Variants in CHL1 observed in about 807,000 individuals in gnomAD.
CHL1 encodes the protein neural cell adhesion molecule L1-like protein.
CHL1 carries 96 observed loss-of-function variants against 141.9 expected under a neutral mutation model. That is an observed-to-expected ratio of 0.68 (90% CI 0.57 to 0.80). The LOEUF is 0.80. Ranked by LOEUF, CHL1 falls within the 30% of genes least tolerant of loss-of-function variation. The probability of loss-of-function intolerance (pLI) is 0.00; values close to 1 mark genes in which losing one functional copy is unlikely to be tolerated. For synonymous variants in CHL1, 613 were observed against 502.2 expected, an observed-to-expected ratio of 1.22 and a Z score of -2.95; for missense variants, 1,820 against 1,457.2, an observed-to-expected ratio of 1.25 and a Z score of -4.05.
At chr3:344,824 A>G in intron 9 of CHL1, 115 bp downstream of exon 9, 1 of 1,123,758 alleles carries the variant, frequency 8.9e-7, no homozygotes, top group Non-Finnish European at 1.2e-6. Context: ...TCCTTAAAAA[A>G]ATTAAATTCT....
intron 27 of CHL1, 51 bp from the exon 28 acceptor site, chr3:405,444 G>T (rs576949429): frequency 1.3e-5 from 16 of 1,202,842 alleles, no homozygotes; most frequent in Non-Finnish European, 2.0e-5. Flanking sequence ...TGCTTTACAT[G>T]AATATTAATA....
Position 391,089 on chromosome 3 carries a change from A to C in CHL1, c.2721A>C (p.Thr907=). ...ATGCCTTTAGTGAATTTCATTTAAC[A>C]GTCTTAGCCTATAACTCTAAAGGAG... The part of the protein sequence containing the change: ...SLDAFSEFHL[T]VLAYNSKGAG... The change falls in exon 22 of 28, where the codon ACA becomes ACC. Residue 907 remains threonine (T), a synonymous_variant. Transcript: ENST00000256509. 1 of 1,614,026 alleles carries C rather than the reference A, an allele frequency of 6.2e-7. No individual in the cohort carries two copies. Among genetic ancestry groups the C allele is most frequent in the Non-Finnish European group, 8.5e-7 (1 of 1,179,856 alleles).
At chr3:317,816 A>G (rs1291213168) in intron 2 of CHL1, among the ~76,000 whole-genome samples, 1 of 151,944 alleles carries the variant, frequency 6.6e-6, no homozygotes, top group Non-Finnish European at 1.5e-5. Context: ...TGCTTTTTAT[A>G]ATGAAAGCAT....
chr3:207,268 G>T (rs1273202361), intron 1 of CHL1, among the ~76,000 whole-genome samples: 1 of 152,196 alleles, frequency 6.6e-6, no homozygotes, highest in African/African-American at 2.4e-5. Context: ...AAAGTGGCAA[G>T]AATAAGTTTG....
intron 2 of CHL1, among the ~76,000 whole-genome samples, chr3:291,109 T>C (rs1697653389): frequency 1.3e-5 from 2 of 152,092 alleles, no homozygotes; most frequent in Admixed American, 6.5e-5. Flanking sequence ...TAAACCAGGG[T>C]TGCCTGTTTA....
At chr3:242,567 G>A (rs1293899185) in intron 1 of CHL1, among the ~76,000 whole-genome samples, 1 of 151,922 alleles carries the variant, frequency 6.6e-6, no homozygotes, top group Admixed American at 6.6e-5. Flanking sequence ...CTGCACTCCA[G>A]CCTGGGTAAC....
chr3:199,863 G>C (rs1408210032), intron 1 of CHL1, among the ~76,000 whole-genome samples: 1 of 152,184 alleles, frequency 6.6e-6, no homozygotes, highest in African/African-American at 2.4e-5. Flanking sequence ...TAACGATCAA[G>C]ACTGATTTAA....
intron 1 of CHL1, chr3:198,041 G>T (rs534735292): frequency 6.4e-6 from 2 of 312,664 alleles, no homozygotes; most frequent in African/African-American, 2.2e-5. Flanking sequence ...CAGGGCCGGG[G>T]AACTCCTGCG....
intron 1 of CHL1, among the ~76,000 whole-genome samples, chr3:230,938 C>T (rs1005917715): frequency 1.3e-5 from 2 of 152,240 alleles, no homozygotes; most frequent in Non-Finnish European, 2.9e-5. Context: ...CATGAAGGCA[C>T]GTGCATATTT....
At chr3:214,224 G>A (rs564181718) in intron 1 of CHL1, among the ~76,000 whole-genome samples, 93 of 152,276 alleles carry the variant, frequency 6.1e-4, no homozygotes, top group African/African-American at 2.1e-3. Context: ...TTTCAGCTGC[G>A]TTAATTTCTT....
chr3:205,714 A>G (rs1276778050), intron 1 of CHL1, among the ~76,000 whole-genome samples: 1 of 152,170 alleles, frequency 6.6e-6, no homozygotes, highest in African/African-American at 2.4e-5. Flanking sequence ...TCATTATAAA[A>G]AGCTTTTATT....
rs79808268 is a variant in CHL1, at chr3:358,579, T to C, written c.1166-1705T>C. Among the ~76,000 whole-genome samples, 15 of 152,276 alleles carry C rather than the reference T, an allele frequency of 9.9e-5. No individual in the cohort carries two copies. The East Asian group carries it at 1.9e-3, about 20-fold the overall frequency. ...TTTCAGGAATAAAGGTTACCCAACCTAACATTTTAAGTCATTCCAATAAGT... is the reference window on the plus strand; with the variant it reads ...TTTCAGGAATAAAGGTTACCCAACCCAACATTTTAAGTCATTCCAATAAGT... On this transcript the variant is annotated intron_variant, in intron 11 of 27. Transcript: ENST00000256509.
In CHL1 at chr3:341,897, G is replaced by A. The variant is rs1010992383; in HGVS notation, c.509-15G>A. ...GGACAATTGCCCTTTTCAATGGCAAGATATCTCTTTTCAGAATTAGAACAC... is the reference window on the plus strand; with the variant it reads ...GGACAATTGCCCTTTTCAATGGCAAAATATCTCTTTTCAGAATTAGAACAC... On this transcript the variant is annotated splice_polypyrimidine_tract_variant and intron_variant, in intron 6 of 27. Coordinates refer to ENST00000256509, the MANE Select transcript of CHL1 (RefSeq NM_006614.4). 2 of 1,564,152 alleles carry A rather than the reference G, an allele frequency of 1.3e-6. No individual in the cohort carries two copies. The highest frequency in any genetic ancestry group is 1.7e-5 in the Admixed American group (1 of 57,514).
At chr3:229,655 G>A (rs896078131) in intron 1 of CHL1, among the ~76,000 whole-genome samples, 2 of 152,058 alleles carry the variant, frequency 1.3e-5, no homozygotes, top group African/African-American at 4.8e-5. Flanking sequence ...TCAATACTCA[G>A]CTACTACATT....
intron 2 of CHL1, among the ~76,000 whole-genome samples, chr3:290,800 G>T (rs1459170223): frequency 6.6e-6 from 1 of 151,944 alleles, no homozygotes; most frequent in African/African-American, 2.4e-5. Context: ...GCCAGGTGTG[G>T]TGGCACACAC....
At chr3:328,490 A>G (rs1701182628) in intron 5 of CHL1, 136 bp downstream of exon 5, 1 of 658,302 alleles carries the variant, frequency 1.5e-6, no homozygotes. Flanking sequence ...ATTTATAAGG[A>G]AAAATTTCCT....
chr3:313,645 A>T (rs1370685680), intron 2 of CHL1, among the ~76,000 whole-genome samples: 1 of 152,188 alleles, frequency 6.6e-6, no homozygotes. Context: ...TTTTAAAATA[A>T]TTTGTTTTAG....
chr3:202,289 A>G (rs1699022755), intron 1 of CHL1, among the ~76,000 whole-genome samples: 1 of 152,186 alleles, frequency 6.6e-6, no homozygotes, highest in Admixed American at 6.5e-5. Flanking sequence ...CAGTATGTGA[A>G]TGAACAAAGA....
chr3:226,647 A>G (rs545456875), intron 1 of CHL1, among the ~76,000 whole-genome samples: 187 of 151,970 alleles, frequency 1.2e-3, no homozygotes, highest in African/African-American at 4.2e-3. Flanking sequence ...GGGTTTCACC[A>G]TGTTGGCCAG....
Sources: allele counts gnomAD v4.1 joint callset (sites outside exome capture counted in the v4.1 genomes callset), GRCh38; gene constraint gnomAD v4.1.1; transcripts MANE v1.5; gene names NCBI Gene and HGNC (gene_info 2026-07-23, HGNC 2026-07-21).